The following TMEM41B variants were observed in gnomAD, a reference collection of about 807,000 sequenced individuals.
TMEM41B encodes the protein transmembrane protein 41B.
Under a neutral mutation model 31.9 loss-of-function variants are expected in TMEM41B, and 18 were observed. The observed-to-expected ratio is 0.56, with a 90% CI of 0.39 to 0.84. The LOEUF is 0.84. TMEM41B is among the 40% of genes least tolerant of loss of function. The probability of loss-of-function intolerance (pLI) is 0.00; values close to 1 mark genes in which losing one functional copy is unlikely to be tolerated. For synonymous variants in TMEM41B, 144 were observed against 124.3 expected, an observed-to-expected ratio of 1.16 and a Z score of -1.05; for missense variants, 322 against 348.0, an observed-to-expected ratio of 0.93 and a Z score of 0.59.
chr11:9,294,823 G>A (rs1023032768), intron 3 of TMEM41B, among the ~76,000 whole-genome samples: 5 of 151,674 alleles, frequency 3.3e-5, no homozygotes, highest in Admixed American at 2.0e-4. Flanking sequence ...CATGAACAAA[G>A]GAGATTCATA....
intron 1 of TMEM41B, among the ~76,000 whole-genome samples, chr11:9,309,988 CAG>C (rs1347631343): frequency 6.6e-6 from 1 of 150,906 alleles, no homozygotes; most frequent in Non-Finnish European, 1.5e-5. Context: ...AACTTTGAGA[CAG>C]TGTTTTTCAA....
chr11:9,299,653 A>G lies in TMEM41B; in HGVS notation c.170T>C (p.Leu57Ser), dbSNP rs762903986. 6.2e-7 allele frequency: 1 copy of G among 1,613,604 alleles called. No individual in the cohort carries two copies. The change falls in exon 2 of 7, where the codon TTG (leucine) becomes TCG (serine). Residue 57 changes from leucine to serine, a missense_variant. Transcript: ENST00000528080. ...AGCTGCAGATAAGAAAATGGACACC[A>G]ATATAAGGAGTGACATTCTTGCTGA... Reference protein sequence around the residue: ...AGSARMSLLILVSIFLSAAFV... With the variant: ...AGSARMSLLISVSIFLSAAFV...
Position 9,286,444 on chromosome 11 carries a change from A to T in TMEM41B, c.706+11T>A, listed in dbSNP as rs1442176547. 1 of 1,606,134 alleles carries T rather than the reference A, an allele frequency of 6.2e-7. No individual in the cohort carries two copies. The highest frequency in any genetic ancestry group is 8.5e-7 in the Non-Finnish European group (1 of 1,176,714). On this transcript the variant is annotated intron_variant, in intron 6 of 6. Coordinates refer to ENST00000528080, the MANE Select transcript of TMEM41B (RefSeq NM_015012.4). The stretch of plus-strand genomic sequence containing the variant: ...AGTGAGCTCATACACAGCAAGAACC[A>T]GAGGGCTTACCTAGAAAAGTACCAA...
At position 9,281,858 on chromosome 11, in the gene TMEM41B, A is replaced by G. The variant is rs1852724970; in HGVS notation, c.*1566T>C. 6.6e-6 allele frequency: 1 copy of G among 152,220 alleles called. No individual in the cohort carries two copies. The highest frequency in any genetic ancestry group is 6.5e-5 in the Admixed American group (1 of 15,270). The allele number at this position is 152,220 out of a possible 1,614,324, so 9.4% of individuals were successfully genotyped here. On this transcript the variant is annotated 3_prime_UTR_variant, in exon 7 of 7. Coordinates refer to ENST00000528080, the MANE Select transcript of TMEM41B (RefSeq NM_015012.4). The stretch of plus-strand genomic sequence containing the variant: ...TTTTTCTAGGTGTATCATGCATAAA[A>G]AGAATAATTACATAATATTATTAAA...
At chr11:9,312,118 AAT>A (rs1384631985) in intron 1 of TMEM41B, among the ~76,000 whole-genome samples, 1 of 152,142 alleles carries the variant, frequency 6.6e-6, no homozygotes, top group Non-Finnish European at 1.5e-5. Context: ...GCTCCTGACA[AAT>A]TAATCTCCCT....
At chr11:9,286,371 G>T in intron 6 of TMEM41B, 84 bp downstream of exon 6, 1 of 1,376,544 alleles carries the variant, frequency 7.3e-7, no homozygotes. Flanking sequence ...AATCTGCAGA[G>T]AGCATGCATG....
intron 3 of TMEM41B, among the ~76,000 whole-genome samples, chr11:9,292,509 CAA>C (rs898295710): frequency 6.6e-6 from 1 of 152,062 alleles, no homozygotes; most frequent in African/African-American, 2.4e-5. Context: ...TTACTACTAA[CAA>C]TATGATGACT....
intron 1 of TMEM41B, among the ~76,000 whole-genome samples, chr11:9,301,166 T>C (rs10770012): frequency 0.55 from 83,636 of 151,828 alleles, 23,086 homozygotes; most frequent in East Asian, 0.61. Flanking sequence ...GAGGCCGAGG[T>C]GGGCGGATCA....
rs1554942401 is a variant in TMEM41B at position 9,286,600 on chromosome 11, T to A, written c.568-7A>T. 1 of 1,587,826 alleles carries A rather than the reference T, an allele frequency of 6.3e-7. No homozygotes were observed. Among genetic ancestry groups the A allele is most frequent in the Admixed American group, 1.9e-5 (1 of 52,792 alleles). ...GTTCTCTATGACGTTCAACCTGTCA[T>A]AAGAAAGAAAAGAATTAGCATCAGA... On this transcript the variant is annotated splice_polypyrimidine_tract_variant and splice_region_variant and intron_variant, in intron 5 of 6. Coordinates refer to ENST00000528080, the MANE Select transcript of TMEM41B (RefSeq NM_015012.4).
chr11:9,283,409 A>G lies in TMEM41B; in HGVS notation c.*15T>C, dbSNP rs201692217. On this transcript the variant is annotated 3_prime_UTR_variant, in exon 7 of 7. Transcript: ENST00000528080. The stretch of plus-strand genomic sequence containing the variant: ...GATGGTGATGACAGCAAAACTAAAA[A>G]TCAGATGATTATTTTTACTCAAATT... 1,089 of 1,599,754 alleles carry G rather than the reference A, an allele frequency of 6.8e-4. 2 individuals are homozygous for G. The highest frequency in any genetic ancestry group is 3.4e-3 in the Middle Eastern group (19 of 5,652).
intron 2 of TMEM41B, among the ~76,000 whole-genome samples, chr11:9,296,144 A>C (rs1177675752): frequency 2.6e-5 from 4 of 152,100 alleles, no homozygotes; most frequent in African/African-American, 4.8e-5. Flanking sequence ...GGAGTAAGCC[A>C]CCATGCCCGG....
chr11:9,287,975 G>A (rs1852873889), intron 4 of TMEM41B, 169 bp from the exon 5 acceptor site: 2 of 611,884 alleles, frequency 3.3e-6, no homozygotes, highest in Admixed American at 3.3e-5. Context: ...AGACCAAAAT[G>A]TACCTCAAAT....
intron 1 of TMEM41B, among the ~76,000 whole-genome samples, 163 bp downstream of exon 1, chr11:9,314,158 G>C (rs1853629576): frequency 6.6e-6 from 1 of 152,190 alleles, no homozygotes; most frequent in Non-Finnish European, 1.5e-5. Context: ...CTTGTGCTGC[G>C]CGAGCGCCCA....
chr11:9,304,370 AAAAG>A (rs1853331501), intron 1 of TMEM41B, among the ~76,000 whole-genome samples: 1 of 152,222 alleles, frequency 6.6e-6, no homozygotes, highest in Admixed American at 6.5e-5. Context: ...ATTCTCTAAA[AAAAG>A]AAAGCATAAT....
At chr11:9,295,121 T>A in intron 3 of TMEM41B, 138 bp downstream of exon 3, 1 of 1,076,840 alleles carries the variant, frequency 9.3e-7, no homozygotes, top group Non-Finnish European at 1.2e-6. Flanking sequence ...TTTTCCATTT[T>A]AATTTTTCAA....
chr11:9,296,824 A>G (rs963123386), intron 2 of TMEM41B, among the ~76,000 whole-genome samples: 4 of 152,166 alleles, frequency 2.6e-5, no homozygotes, highest in African/African-American at 4.8e-5. Flanking sequence ...CTTTTACTCT[A>G]TATTTGGCAC....
chr11:9,298,140 T>A (rs1212740761), intron 2 of TMEM41B, among the ~76,000 whole-genome samples: 3 of 149,936 alleles, frequency 2.0e-5, no homozygotes, highest in Non-Finnish European at 4.4e-5. Flanking sequence ...AACTAAAGGT[T>A]CCTACTTATG....
intron 6 of TMEM41B, 124 bp downstream of exon 6, chr11:9,286,331 G>C: frequency 1.0e-6 from 1 of 983,392 alleles, no homozygotes; most frequent in Non-Finnish European, 1.5e-6. Context: ...GCCAGGCTTT[G>C]TGCCCAAGAA....
chr11:9,291,118 AAAAAAT>A (rs576117540), intron 3 of TMEM41B, among the ~76,000 whole-genome samples: 1 of 152,062 alleles, frequency 6.6e-6, no homozygotes, highest in Non-Finnish European at 1.5e-5. Context: ...TCTGTCTCAA[AAAAAAT>A]AAAAATAAAA....
Sources: allele counts gnomAD v4.1 joint callset (sites outside exome capture counted in the v4.1 genomes callset), GRCh38; gene constraint gnomAD v4.1.1; transcripts MANE v1.5; gene names NCBI Gene and HGNC (gene_info 2026-07-23, HGNC 2026-07-21).